The following FBXO32 variants were observed in gnomAD, a reference collection of about 807,000 sequenced individuals.
FBXO32 encodes the protein F-box only protein 32.
A neutral mutation model predicts 48.3 loss-of-function variants in FBXO32; 15 were observed. The ratio of observed to expected loss-of-function variants is 0.31; its 90% confidence interval spans 0.21 to 0.48. The LOEUF is 0.48. FBXO32 is among the 20% of genes least tolerant of loss of function. The pLI is 0.99. For synonymous variants in FBXO32, 154 were observed against 165.9 expected, an observed-to-expected ratio of 0.93 and a Z score of 0.55; for missense variants, 309 against 432.7, an observed-to-expected ratio of 0.71 and a Z score of 2.54.
At chr8:123,535,096 C>CT (rs11459120) in intron 1 of FBXO32, among the ~76,000 whole-genome samples, 22,611 of 152,104 alleles carry the variant, frequency 0.15, 1,898 homozygotes, top group South Asian at 0.23. Flanking sequence ...ACACACAGCA[C>CT]TGTACTCTTC....
intron 6 of FBXO32, among the ~76,000 whole-genome samples, chr8:123,507,404 G>A (rs1482119297): frequency 1.3e-5 from 2 of 151,418 alleles, no homozygotes; most frequent in Non-Finnish European, 2.9e-5. Flanking sequence ...TAATTAAATA[G>A]GTAGAAAACA....
chr8:123,532,700 G>A (rs1817233130), intron 3 of FBXO32, among the ~76,000 whole-genome samples: 1 of 152,218 alleles, frequency 6.6e-6, no homozygotes, highest in Non-Finnish European at 1.5e-5. Flanking sequence ...CCTGTGCAGA[G>A]AGAAAATATA....
chr8:123,523,630 CAAACA>C (rs920243330), intron 4 of FBXO32, among the ~76,000 whole-genome samples: 1 of 146,978 alleles, frequency 6.8e-6, no homozygotes, highest in Admixed American at 6.8e-5. Context: ...CAACAACAAA[CAAACA>C]AAAAAAAGAA....
rs913384670 is a variant in FBXO32 at position 123,540,910 on chromosome 8, G to A, written c.105C>T (p.Ser35=). ...FLDEKSGSFV[S]DLSSYCNKEV... ...GCGGGTCCCCTCACCTGCTGAGGTC[G>A]CTCACGAAACTGCCGCTCTTCTCAT... The change falls in exon 1 of 9, where the codon AGC becomes AGT. Residue 35 remains serine (S), a synonymous_variant. Coordinates refer to ENST00000517956, the MANE Select transcript of FBXO32 (RefSeq NM_058229.4). The surrounding 1 kb of genome is among the most constrained non-coding windows in gnomAD (Gnocchi z 6.4). The A allele has an allele frequency of 6.2e-7, 1 of 1,613,136 alleles. No homozygotes were observed. The highest frequency in any genetic ancestry group is 1.1e-5 in the South Asian group (1 of 91,048).
In FBXO32 at chr8:123,500,469, T is replaced by G. The variant is rs752196974; in HGVS notation, c.*2904A>C. 3.3e-5 allele frequency: 5 copies of G among 152,236 alleles called. No homozygotes were observed. Among genetic ancestry groups the G allele is most frequent in the Non-Finnish European group, 5.9e-5 (4 of 68,046 alleles). The allele number at this position is 152,236 out of a possible 1,614,324, so 9.4% of individuals were successfully genotyped here. On this transcript the variant is annotated 3_prime_UTR_variant, in exon 9 of 9. Coordinates refer to ENST00000517956, the MANE Select transcript of FBXO32 (RefSeq NM_058229.4). ...TTCCATTATCATGCCCCTTCTAGCT[T>G]TTAGACCAGCAGTTCTGAGACAGGG...
chr8:123,516,906 G>A lies in FBXO32; in HGVS notation c.373-2573C>T, dbSNP rs1816851182. On this transcript the variant is annotated intron_variant, in intron 4 of 8. Coordinates refer to ENST00000517956, the MANE Select transcript of FBXO32 (RefSeq NM_058229.4). Reference sequence around the variant, plus strand: ...CCAGTAGAGACCATGGCCATGGGCGGTGACCACACCGAATGCTGTGGTTTA... The same window carrying A: ...CCAGTAGAGACCATGGCCATGGGCGATGACCACACCGAATGCTGTGGTTTA... 2.0e-5 allele frequency among the ~76,000 whole-genome samples: 3 copies of A among 152,146 alleles called. No individual in the cohort carries two copies. The South Asian group carries it at 6.2e-4, about 31-fold the overall frequency.
intron 4 of FBXO32, among the ~76,000 whole-genome samples, chr8:123,522,878 T>G (rs1816986321): frequency 6.6e-6 from 1 of 152,200 alleles, no homozygotes; most frequent in African/African-American, 2.4e-5. Flanking sequence ...GCCATTTGAA[T>G]AGTTATACTT....
At chr8:123,526,272 C>T (rs555099905) in intron 4 of FBXO32, among the ~76,000 whole-genome samples, 4 of 152,028 alleles carry the variant, frequency 2.6e-5, no homozygotes, top group African/African-American at 9.6e-5. Context: ...GTCACCCAGG[C>T]TGGAGTGCAG....
rs1816435625 is a variant in FBXO32 at position 123,499,509 on chromosome 8, G to A, written c.*3864C>T. 6.6e-6 allele frequency: 1 copy of A among 150,470 alleles called. No individual in the cohort carries two copies. The highest frequency in any genetic ancestry group is 1.5e-5 in the Non-Finnish European group (1 of 67,686). 9.3% of individuals were successfully genotyped at this position (150,470 alleles called of 1,614,324 possible). Reference sequence around the variant, plus strand: ...GATGTCAACATAGAAAATGATGATAGAGTTTAGTTAAAAAAATTCACACAT... The same window carrying A: ...GATGTCAACATAGAAAATGATGATAAAGTTTAGTTAAAAAAATTCACACAT... On this transcript the variant is annotated 3_prime_UTR_variant, in exon 9 of 9. Transcript: ENST00000517956.
intron 4 of FBXO32, among the ~76,000 whole-genome samples, chr8:123,528,140 G>T (rs1411236695): frequency 2.6e-5 from 4 of 152,222 alleles, no homozygotes; most frequent in Non-Finnish European, 5.9e-5. Context: ...AATTAAATCG[G>T]AAGCTCCAGA....
At chr8:123,521,117 A>G (rs1346412200) in intron 4 of FBXO32, among the ~76,000 whole-genome samples, 2 of 152,180 alleles carry the variant, frequency 1.3e-5, no homozygotes, top group Non-Finnish European at 2.9e-5. Flanking sequence ...TCATTGTTGC[A>G]TTTATGCATA....
intron 2 of FBXO32, among the ~76,000 whole-genome samples, chr8:123,533,458 A>C (rs1817248618): frequency 6.6e-6 from 1 of 152,166 alleles, no homozygotes; most frequent in Non-Finnish European, 1.5e-5. Flanking sequence ...TGAGAGCCAG[A>C]TTTCATATAC....
rs529699490 is a variant in FBXO32 at position 123,504,257 on chromosome 8, C to T, written c.978+347G>A. The stretch of plus-strand genomic sequence containing the variant: ...CATTATCGCATGGACCCTGAAACTA[C>T]GTACATCTATTATGCATCAATGAAA... On this transcript the variant is annotated intron_variant, in intron 8 of 8. Transcript: ENST00000517956. Among the ~76,000 whole-genome samples the T allele has an allele frequency of 1.4e-4, 22 of 152,054 alleles. No individual in the cohort carries two copies. The South Asian group carries it at 4.2e-3, about 29-fold the overall frequency.
At chr8:123,511,195 C>T (rs556583040) in intron 6 of FBXO32, among the ~76,000 whole-genome samples, 49 of 152,306 alleles carry the variant, frequency 3.2e-4, no homozygotes, top group African/African-American at 1.1e-3. Context: ...TTTAGGAATA[C>T]GGAATCCAAG....
rs1817279883 is a variant in FBXO32, at chr8:123,534,822, T to A, written c.117-8A>T. ...ACCTCCTTGTTGCAGTAACTATGAA[T>A]AACAGAAGACAAAGAGGATGAGCTG... On this transcript the variant is annotated splice_polypyrimidine_tract_variant and splice_region_variant and intron_variant, in intron 1 of 8. Coordinates refer to ENST00000517956, the MANE Select transcript of FBXO32 (RefSeq NM_058229.4). 6.4e-7 allele frequency: 1 copy of A among 1,572,308 alleles called. No individual in the cohort carries two copies. Among genetic ancestry groups the A allele is most frequent in the Admixed American group, 1.7e-5 (1 of 59,800 alleles).
intron 6 of FBXO32, among the ~76,000 whole-genome samples, chr8:123,510,612 A>G (rs1467001777): frequency 6.6e-6 from 1 of 152,008 alleles, no homozygotes; most frequent in African/African-American, 2.4e-5. Flanking sequence ...CTGTTTCAAA[A>G]AAAGAAATCC....
chr8:123,523,640 AAAG>A (rs1817011441), intron 4 of FBXO32, among the ~76,000 whole-genome samples: 4 of 152,100 alleles, frequency 2.6e-5, no homozygotes, highest in Non-Finnish European at 5.9e-5. Flanking sequence ...CAAACAAAAA[AAAG>A]AAAGAAAACA....
intron 4 of FBXO32, among the ~76,000 whole-genome samples, chr8:123,521,628 C>A (rs1391834065): frequency 6.6e-6 from 1 of 152,204 alleles, no homozygotes; most frequent in Non-Finnish European, 1.5e-5. Context: ...AACCACAAGG[C>A]TGCTGCCTAA....
At chr8:123,510,291 T>C (rs1412609825) in intron 6 of FBXO32, among the ~76,000 whole-genome samples, 2 of 152,212 alleles carry the variant, frequency 1.3e-5, no homozygotes, top group African/African-American at 4.8e-5. Flanking sequence ...AAGTGAGGCA[T>C]GGAGAGACTG....
Sources: allele counts gnomAD v4.1 joint callset (sites outside exome capture counted in the v4.1 genomes callset), GRCh38; gene constraint gnomAD v4.1.1; non-coding constraint Gnocchi (gnomAD v3.1); transcripts MANE v1.5; gene names NCBI Gene and HGNC (gene_info 2026-07-23, HGNC 2026-07-21).